The following AR variants were observed in gnomAD, a reference collection of about 807,000 sequenced individuals.
AR encodes the protein dihydrotestosterone receptor.
Under a neutral mutation model 53.9 loss-of-function variants are expected in AR, and 8 were observed. The observed-to-expected ratio is 0.15, with a 90% CI of 0.09 to 0.27. AR has a LOEUF of 0.27. Among genes scored for constraint, AR ranks in the 10% least tolerant of loss-of-function variants. AR has a pLI of 1.00. For synonymous variants in AR, 359 were observed against 316.4 expected (o/e 1.13, Z -1.43); for missense variants, 639 against 742.5 (o/e 0.86, Z 1.62).
intron 2 of AR, among the ~76,000 whole-genome samples, chrX:67,666,891 A>AT (rs1040998380): frequency 1.1e-4 from 12 of 110,491 alleles, no homozygotes; most frequent in African/African-American, 3.9e-4. Context: ...TCTTTTGCCC[A>AT]TTTTTTAATC....
At chrX:67,563,857 A>C (rs1367243574) in intron 1 of AR, among the ~76,000 whole-genome samples, 1 of 111,938 alleles carries the variant, frequency 8.9e-6, no homozygotes, top group Non-Finnish European at 1.9e-5. Flanking sequence ...GACTCAATGC[A>C]AATTATGGGA....
chrX:67,552,663 C>T (rs1172760311), intron 1 of AR, among the ~76,000 whole-genome samples: 1 of 112,236 alleles, frequency 8.9e-6, no homozygotes, highest in Non-Finnish European at 1.9e-5. Flanking sequence ...CCATCAGCAA[C>T]CTATGGGGGT....
intron 3 of AR, chrX:67,695,284 G>A: frequency 1.3e-6 from 1 of 754,203 alleles, no homozygotes; most frequent in Non-Finnish European, 1.6e-6. Context: ...CTAGATCTTA[G>A]CCTCAGGCCC....
intron 1 of AR, among the ~76,000 whole-genome samples, chrX:67,642,629 C>G (rs774090273): frequency 9.0e-6 from 1 of 111,041 alleles, no homozygotes; most frequent in African/African-American, 3.3e-5. Context: ...TATAGAAACA[C>G]CTAAGGAAAG....
intron 7 of AR, 49 bp from the exon 8 acceptor site, chrX:67,723,637 G>A (rs767801821): frequency 5.9e-6 from 7 of 1,194,484 alleles, no homozygotes; most frequent in Non-Finnish European, 6.8e-6. Flanking sequence ...GCTAGCAGAG[G>A]CCACCTCCTT....
In AR at chrX:67,724,821, C is replaced by T. The variant is rs1424449590; in HGVS notation, c.*980C>T. 4.0e-5 allele frequency: 7 copies of T among 173,331 alleles called. No individual in the cohort carries two copies. The highest frequency in any genetic ancestry group is 1.6e-4 in the East Asian group (2 of 12,329). 14.3% of individuals were successfully genotyped at this position (173,331 alleles called of 1,213,427 possible). On this transcript the variant is annotated 3_prime_UTR_variant, in exon 8 of 8. Coordinates refer to ENST00000374690, the MANE Select transcript of AR (RefSeq NM_000044.6). Reference sequence around the variant, plus strand: ...AATGTTCTCTTCAGCCAAAACTTGGCGACTTCCACAGAAAAGTCTGACCAC... The same window carrying T: ...AATGTTCTCTTCAGCCAAAACTTGGTGACTTCCACAGAAAAGTCTGACCAC...
At position 67,546,275 on chromosome X, in the gene AR, C is replaced by A. The variant is rs769033307; in HGVS notation, c.1129C>A (p.Pro377Thr). The A allele has an allele frequency of 8.3e-7, 1 of 1,204,540 alleles. No homozygotes were observed. ...ACTGGCTCTGGCCGGACCGCCGCCC[C>A]CTCCGCCGCCTCCCCATCCCCACGC... Reference protein sequence around the residue: ...FPLALAGPPPPPPPPHPHARI... With the variant: ...FPLALAGPPPTPPPPHPHARI... Residue 377 changes from proline (P) to threonine (T), a missense_variant, in exon 1 of 8, where the codon CCT becomes ACT. By Grantham distance (38) the Pro-to-Thr change is conservative. Around this residue, in one of 5 missense-constraint regions of AR, gnomAD observed 423 missense variants for 377.0 expected, o/e 1.12. Transcript: ENST00000374690.
chrX:67,576,835 C>A (rs916639536), intron 1 of AR, among the ~76,000 whole-genome samples: 1 of 110,143 alleles, frequency 9.1e-6, no homozygotes, highest in African/African-American at 3.3e-5. Context: ...GGCTGCATAA[C>A]CCTTATTTTC....
chrX:67,717,638 G>T lies in AR; in HGVS notation c.2318+16G>T. The T allele has an allele frequency of 8.3e-7, 1 of 1,211,719 alleles. No homozygotes were observed. Among genetic ancestry groups the T allele is most frequent in the Non-Finnish European group, 1.1e-6 (1 of 895,295 alleles). ...TTTTCAATGAGTAAGTGCTCCTGGGGCCCAGACCTCACTAAAATACAGCAG... is the reference window on the plus strand; with the variant it reads ...TTTTCAATGAGTAAGTGCTCCTGGGTCCCAGACCTCACTAAAATACAGCAG... On this transcript the variant is annotated intron_variant, in intron 5 of 7. Transcript: ENST00000374690.
At chrX:67,676,913 T>C (rs990384402) in intron 2 of AR, among the ~76,000 whole-genome samples, 4 of 111,584 alleles carry the variant, frequency 3.6e-5, no homozygotes, top group African/African-American at 1.3e-4. Context: ...GGCTGACATG[T>C]GGACTCTCTG....
At chrX:67,643,232 C>T (rs1925878553) in intron 1 of AR, 24 bp from the exon 2 acceptor site, 2 of 1,209,279 alleles carry the variant, frequency 1.7e-6, no homozygotes, top group Non-Finnish European at 2.2e-6. Flanking sequence ...ACATGTGTTG[C>T]ATTGGTTTTT....
intron 1 of AR, among the ~76,000 whole-genome samples, chrX:67,635,311 A>G (rs142203174): frequency 1.8e-5 from 2 of 111,240 alleles, no homozygotes; most frequent in African/African-American, 6.5e-5. Flanking sequence ...TGGAGCACAG[A>G]GAGCCTTAAT....
At chrX:67,711,286 C>T in intron 3 of AR, 116 bp from the exon 4 acceptor site, 1 of 820,045 alleles carries the variant, frequency 1.2e-6, no homozygotes. Context: ...AGTTTAGAGT[C>T]TGTGACCAGG....
At chrX:67,722,655 C>A (rs1374579756) in intron 6 of AR, 172 bp from the exon 7 acceptor site, 12 of 526,218 alleles carry the variant, frequency 2.3e-5, no homozygotes, top group Non-Finnish European at 3.6e-5. Flanking sequence ...CCCCTGAGAT[C>A]TCCCTGACAG....
At chrX:67,608,920 G>A (rs774527134) in intron 1 of AR, among the ~76,000 whole-genome samples, 1 of 109,927 alleles carries the variant, frequency 9.1e-6, no homozygotes, top group African/African-American at 3.3e-5. Context: ...TCCAATATTG[G>A]TGGCTATATA....
At chrX:67,694,546 A>G in intron 3 of AR, 1 of 1,032,796 alleles carries the variant, frequency 9.7e-7, no homozygotes, top group Non-Finnish European at 1.2e-6. Context: ...GCAACCGCCC[A>G]CCTCCCCAAC....
chrX:67,559,519 G>A (rs1362055408), intron 1 of AR, among the ~76,000 whole-genome samples: 2 of 112,077 alleles, frequency 1.8e-5, no homozygotes, highest in African/African-American at 6.5e-5. Context: ...GTGTTGTGCA[G>A]GATCCCATAG....
In AR at chrX:67,645,578, G is replaced by T. The variant is rs138009117; in HGVS notation, c.1768+2171G>T. On this transcript the variant is annotated intron_variant, in intron 2 of 7. Transcript: ENST00000374690. ...ACTCTGTGAGCTCATAGGGCCAAAT[G>T]CACTTGCCTGCTTGAAATATGAAAA... Among the ~76,000 whole-genome samples the T allele has an allele frequency of 2.0e-3, 226 of 111,544 alleles. 1 individual carries two copies. Among genetic ancestry groups the T allele is most frequent in the Non-Finnish European group, 3.0e-3 (159 of 53,108 alleles).
rs1220813741 is a variant in AR, at chrX:67,715,202, C to T, written c.2174-2276C>T. Among the ~76,000 whole-genome samples the T allele has an allele frequency of 9.9e-5, 11 of 111,133 alleles. No individual in the cohort carries two copies. In the East Asian group the frequency reaches 3.2e-3, roughly 32 times the overall value. Reference sequence around the variant, plus strand: ...CCCAAGATATTCAGGGTCAACCTCCCAGGCCTCTTCTCTAAGAGATCCTTG... The same window carrying T: ...CCCAAGATATTCAGGGTCAACCTCCTAGGCCTCTTCTCTAAGAGATCCTTG... On this transcript the variant is annotated intron_variant, in intron 4 of 7. Transcript: ENST00000374690.
Sources: gnomAD v4.1 joint callset for allele counts (sites outside exome capture counted in the v4.1 genomes callset) on GRCh38, gnomAD v4.1.1 for gene constraint, gnomAD v4.1.1 regional missense constraint, MANE v1.5 for transcripts, NCBI Gene and HGNC (gene_info 2026-07-23, HGNC 2026-07-21) for gene names.